The following FUT8 variants were observed in gnomAD, a reference collection of about 807,000 sequenced individuals.
FUT8 encodes fucosyltransferase 8.
Under a neutral mutation model 71.3 loss-of-function variants are expected in FUT8, and 29 were observed. That is an observed-to-expected ratio of 0.41 (90% CI 0.30 to 0.55). The LOEUF is 0.55. Ranked by LOEUF, FUT8 falls within the 20% of genes least tolerant of loss-of-function variation. The pLI, the probability that FUT8 is intolerant of heterozygous loss-of-function variation, is 0.34. For missense variants in FUT8, 544 were observed against 702.1 expected, an observed-to-expected ratio of 0.77 and a Z score of 2.55; for synonymous variants, 254 against 239.3, an observed-to-expected ratio of 1.06 and a Z score of -0.57.
At chr14:65,692,901 A>G (rs1893756090) in intron 7 of FUT8, among the ~76,000 whole-genome samples, 1 of 136,238 alleles carries the variant, frequency 7.3e-6, no homozygotes, top group South Asian at 2.4e-4. Context: ...CCCACATCTC[A>G]GACGATGGGC....
chr14:65,650,730 CAAAA>C (rs374138566), intron 6 of FUT8, among the ~76,000 whole-genome samples: 2 of 117,194 alleles, frequency 1.7e-5, no homozygotes, highest in African/African-American at 6.6e-5. Flanking sequence ...AAAAAAAAAA[CAAAA>C]AAAACCACAA....
chr14:65,651,712 A>G (rs900274830), intron 6 of FUT8, among the ~76,000 whole-genome samples: 3 of 152,234 alleles, frequency 2.0e-5, no homozygotes, highest in Admixed American at 2.0e-4. Context: ...AGGGAGAAAC[A>G]AATGGAAATT....
intron 2 of FUT8, among the ~76,000 whole-genome samples, chr14:65,505,506 G>T (rs1412512305): frequency 6.6e-6 from 1 of 151,568 alleles, no homozygotes; most frequent in Non-Finnish European, 1.5e-5. Context: ...TAGAGACGGG[G>T]TTTCACCATG....
At chr14:65,535,289 C>T (rs1225777746) in intron 2 of FUT8, among the ~76,000 whole-genome samples, 8 of 151,704 alleles carry the variant, frequency 5.3e-5, no homozygotes, top group South Asian at 4.2e-4. Context: ...TTAGTAGAGA[C>T]GGGGTTTCAC....
chr14:65,650,326 A>G (rs1353480213), intron 6 of FUT8, among the ~76,000 whole-genome samples: 1 of 148,160 alleles, frequency 6.7e-6, no homozygotes, highest in African/African-American at 2.5e-5. Context: ...AAAAAAAAAA[A>G]ACCTGAGACT....
At chr14:65,457,115 C>T (rs1323542005) in intron 2 of FUT8, among the ~76,000 whole-genome samples, 1 of 152,050 alleles carries the variant, frequency 6.6e-6, no homozygotes, top group African/African-American at 2.4e-5. Context: ...ATCTATTGAA[C>T]ACCAGGTCTT....
At position 65,643,721 on chromosome 14, in the gene FUT8, T is replaced by G. The variant is rs1259108020; in HGVS notation, c.597+14115T>G. Among the ~76,000 whole-genome samples the G allele has an allele frequency of 2.5e-5, 3 of 119,028 alleles. No homozygotes were observed. The highest frequency in any genetic ancestry group is 1.0e-4 in the African/African-American group (3 of 29,910). 78.1% of individuals were successfully genotyped at this position (119,028 alleles called of 152,430 possible). On this transcript the variant is annotated intron_variant, in intron 6 of 10. Coordinates refer to ENST00000673929, the MANE Select transcript of FUT8 (RefSeq NM_001371533.1). The surrounding 1 kb of genome is among the most constrained non-coding windows in gnomAD (Gnocchi z 4.5). ...ACACACACACACACACACACCAGAT[T>G]CCATTCTAGATGCTATTCCTTAACT...
chr14:65,650,063 A>G (rs903558692), intron 6 of FUT8, among the ~76,000 whole-genome samples: 7 of 152,066 alleles, frequency 4.6e-5, no homozygotes, highest in African/African-American at 7.2e-5. Context: ...TTGGGAGGCC[A>G]AGGCGGGCGG....
intron 7 of FUT8, among the ~76,000 whole-genome samples, chr14:65,688,093 T>C (rs2140426984): frequency 6.6e-6 from 1 of 152,300 alleles, no homozygotes; most frequent in East Asian, 1.9e-4. Flanking sequence ...GATATTGATA[T>C]ATTATTAACT....
the FUT8 span, among the ~76,000 whole-genome samples, chr14:65,364,950 A>G: frequency 2.0e-5 from 3 of 151,276 alleles, no homozygotes; most frequent in Non-Finnish European, 4.4e-5. Context: ...GTCCACACAC[A>G]CCCCTCATGC....
chr14:65,543,801 AT>A (rs1374172781), intron 2 of FUT8, among the ~76,000 whole-genome samples: 2 of 152,182 alleles, frequency 1.3e-5, no homozygotes, highest in African/African-American at 4.8e-5. Flanking sequence ...CTCTCTTAAA[AT>A]TAAGAGACAG....
At chr14:65,697,285 A>G (rs1353804733) in intron 7 of FUT8, among the ~76,000 whole-genome samples, 1 of 152,184 alleles carries the variant, frequency 6.6e-6, no homozygotes, top group African/African-American at 2.4e-5. Flanking sequence ...CCTTGTCTTT[A>G]GGCCTTTTAG....
chr14:65,732,614 A>G (rs1007136244), intron 9 of FUT8, among the ~76,000 whole-genome samples: 1 of 152,248 alleles, frequency 6.6e-6, no homozygotes, highest in African/African-American at 2.4e-5. Flanking sequence ...GTGGACATCT[A>G]TGGAATTTGC....
chr14:65,601,444 C>T (rs998501730), intron 3 of FUT8, among the ~76,000 whole-genome samples: 3 of 152,096 alleles, frequency 2.0e-5, no homozygotes, highest in African/African-American at 7.2e-5. Flanking sequence ...TATAACTCTA[C>T]CTTTCAGCCA....
At chr14:65,447,745 G>A (rs779172063) in intron 1 of FUT8, among the ~76,000 whole-genome samples, 3 of 152,096 alleles carry the variant, frequency 2.0e-5, no homozygotes, top group Non-Finnish European at 4.4e-5. Context: ...TTTAGATCTG[G>A]AGGAGACCTT....
At chr14:65,524,447 T>A (rs1883305267) in intron 2 of FUT8, among the ~76,000 whole-genome samples, 1 of 152,226 alleles carries the variant, frequency 6.6e-6, no homozygotes, top group South Asian at 2.1e-4. Flanking sequence ...TTGCTGAAGT[T>A]GCTTATCAGG....
At chr14:65,680,113 A>G (rs1017421338) in intron 7 of FUT8, among the ~76,000 whole-genome samples, 2 of 152,196 alleles carry the variant, frequency 1.3e-5, no homozygotes, top group African/African-American at 4.8e-5. Flanking sequence ...CACAGTTATC[A>G]AGTCTGAGAA....
intron 10 of FUT8, among the ~76,000 whole-genome samples, chr14:65,734,177 AG>A (rs1896110084): frequency 6.6e-6 from 1 of 152,234 alleles, no homozygotes; most frequent in Admixed American, 6.5e-5. Context: ...GAATCTAATA[AG>A]CAAAATACAC....
At chr14:65,384,922 G>C in the FUT8 span, among the ~76,000 whole-genome samples, 1 of 145,992 alleles carries the variant, frequency 6.8e-6, no homozygotes, top group African/African-American at 2.6e-5. This position sits in a 1 kb window ranked among gnomAD's most constrained non-coding sequence, Gnocchi z 4.2. Flanking sequence ...ACAGAGTTTC[G>C]CTCTTGTTGC....
Sources: gnomAD v4.1 joint callset for allele counts (sites outside exome capture counted in the v4.1 genomes callset) on GRCh38, gnomAD v4.1.1 for gene constraint, Gnocchi (gnomAD v3.1) non-coding constraint, MANE v1.5 for transcripts, NCBI Gene and HGNC (gene_info 2026-07-23, HGNC 2026-07-21) for gene names.